Variants in MALRD1 observed in about 807,000 individuals in gnomAD.
MALRD1 encodes MAM and LDL receptor class A domain containing 1, also known as MAM and LDL-receptor class A domain-containing protein 1.
MALRD1 carries 247 observed loss-of-function variants against 242.1 expected under a neutral mutation model. The ratio of observed to expected loss-of-function variants is 1.02; its 90% confidence interval spans 0.92 to 1.13. MALRD1 has a LOEUF of 1.13. Among genes scored for constraint, MALRD1 ranks in the 50% most tolerant of loss-of-function variants. MALRD1 has a pLI of 0.00. For synonymous variants in MALRD1, 995 were observed against 866.6 expected, an observed-to-expected ratio of 1.15 and a Z score of -2.60; for missense variants, 2,989 against 2,533.1, an observed-to-expected ratio of 1.18 and a Z score of -3.86.
At chr10:19,684,465 C>A (rs937159479) in intron 36 of MALRD1, among the ~76,000 whole-genome samples, 2 of 152,086 alleles carry the variant, frequency 1.3e-5, no homozygotes, top group African/African-American at 4.8e-5. Context: ...ACAAAAAATA[C>A]CTGCTAATGG....
chr10:19,563,980 G>A (rs991611915), intron 32 of MALRD1, among the ~76,000 whole-genome samples: 2 of 152,136 alleles, frequency 1.3e-5, no homozygotes, highest in Non-Finnish European at 2.9e-5. Context: ...CCCATGTAAT[G>A]TGCCTGCTCC....
chr10:19,307,673 A>C (rs1842271742), intron 21 of MALRD1, among the ~76,000 whole-genome samples: 1 of 151,530 alleles, frequency 6.6e-6, no homozygotes. Context: ...CCAGAGACAT[A>C]GTTATCCTCC....
chr10:19,182,253 G>A (rs1252428106), intron 14 of MALRD1, among the ~76,000 whole-genome samples: 1 of 150,226 alleles, frequency 6.7e-6, no homozygotes, highest in Non-Finnish European at 1.5e-5. Context: ...CTCATTTTAC[G>A]AACTTTCTTG....
chr10:19,544,314 A>G (rs372479583), intron 32 of MALRD1, among the ~76,000 whole-genome samples: 2 of 151,968 alleles, frequency 1.3e-5, no homozygotes, highest in East Asian at 3.9e-4. Flanking sequence ...CAGCCTCCCA[A>G]TTAGCTGGGA....
At chr10:19,537,320 C>T (rs958932514) in intron 32 of MALRD1, among the ~76,000 whole-genome samples, 1 of 152,102 alleles carries the variant, frequency 6.6e-6, no homozygotes, top group African/African-American at 2.4e-5. Flanking sequence ...TATCTTAGTT[C>T]TTTCAGGTTG....
intron 29 of MALRD1, among the ~76,000 whole-genome samples, chr10:19,465,417 T>C (rs943796766): frequency 2.6e-5 from 4 of 152,218 alleles, no homozygotes; most frequent in Admixed American, 6.5e-5. Context: ...TTAACATATA[T>C]TGTCAGTTAA....
intron 30 of MALRD1, 138 bp from the exon 31 acceptor site, chr10:19,498,347 A>G (rs1291509698): frequency 6.7e-6 from 5 of 749,662 alleles, no homozygotes; most frequent in Non-Finnish European, 1.1e-5. Flanking sequence ...AACAATGAGT[A>G]CAAATGTCTT....
chr10:19,554,652 T>C (rs1835636710), intron 32 of MALRD1, among the ~76,000 whole-genome samples: 1 of 152,160 alleles, frequency 6.6e-6, no homozygotes, highest in African/African-American at 2.4e-5. Flanking sequence ...TGTTTGGTTT[T>C]CTGTTCCTGT....
At chr10:19,053,689 G>A (rs569783590) in intron 1 of MALRD1, among the ~76,000 whole-genome samples, 2 of 151,720 alleles carry the variant, frequency 1.3e-5, no homozygotes, top group East Asian at 1.9e-4. Flanking sequence ...TCTTTTTCTT[G>A]GGGAAAACCT....
At chr10:19,706,354 C>T (rs560051643) in intron 38 of MALRD1, among the ~76,000 whole-genome samples, 7 of 152,124 alleles carry the variant, frequency 4.6e-5, no homozygotes, top group South Asian at 2.1e-4. Flanking sequence ...TTTGCTCTTT[C>T]GCCCAGGCTA....
chr10:19,151,559 A>C (rs1833944452), intron 11 of MALRD1, among the ~76,000 whole-genome samples: 1 of 152,128 alleles, frequency 6.6e-6, no homozygotes, highest in African/African-American at 2.4e-5. Context: ...AATTTCTAGA[A>C]TGTGTTGAAT....
chr10:19,470,786 T>TG (rs1487192969), intron 29 of MALRD1, among the ~76,000 whole-genome samples: 3 of 151,426 alleles, frequency 2.0e-5, no homozygotes, highest in Non-Finnish European at 4.4e-5. Context: ...ATTATTATTT[T>TG]TTTTCTGTTG....
intron 14 of MALRD1, among the ~76,000 whole-genome samples, chr10:19,180,060 T>A (rs1344426084): frequency 1.3e-5 from 2 of 152,126 alleles, no homozygotes; most frequent in East Asian, 3.8e-4. Flanking sequence ...TTGAACACAA[T>A]TAAAAAGAGG....
intron 38 of MALRD1, among the ~76,000 whole-genome samples, chr10:19,716,490 C>T (rs1834395610): frequency 6.6e-6 from 1 of 152,168 alleles, no homozygotes; most frequent in Non-Finnish European, 1.5e-5. Context: ...TCAGGCATCC[C>T]CAGAAACAGA....
intron 14 of MALRD1, among the ~76,000 whole-genome samples, chr10:19,180,456 G>A (rs1835457459): frequency 6.6e-6 from 1 of 152,158 alleles, no homozygotes; most frequent in South Asian, 2.1e-4. Context: ...GGCACCAAGA[G>A]GACACAGTAG....
At chr10:19,435,424 TTG>T (rs1834315219) in intron 28 of MALRD1, among the ~76,000 whole-genome samples, 1 of 152,150 alleles carries the variant, frequency 6.6e-6, no homozygotes, top group Non-Finnish European at 1.5e-5. Flanking sequence ...TCATTTTCTG[TTG>T]TAGTACTCAG....
chr10:19,724,599 C>T (rs1041134186), intron 38 of MALRD1, among the ~76,000 whole-genome samples: 1 of 152,138 alleles, frequency 6.6e-6, no homozygotes, highest in Non-Finnish European at 1.5e-5. Context: ...AATGAGACTA[C>T]ACCCTGAAAC....
intron 18 of MALRD1, among the ~76,000 whole-genome samples, chr10:19,257,383 G>A (rs1372413390): frequency 1.3e-5 from 2 of 152,076 alleles, no homozygotes; most frequent in South Asian, 2.1e-4. Flanking sequence ...TAGAACTAAT[G>A]GCTGAAAGTT....
intron 35 of MALRD1, 131 bp downstream of exon 35, chr10:19,608,033 G>A: frequency 3.2e-6 from 4 of 1,257,180 alleles, no homozygotes; most frequent in Non-Finnish European, 3.2e-6. Flanking sequence ...TTCTTGGTTT[G>A]GGGGCAGAAA....
Sources: allele counts gnomAD v4.1 joint callset (sites outside exome capture counted in the v4.1 genomes callset), GRCh38; gene constraint gnomAD v4.1.1; transcripts MANE v1.5; gene names NCBI Gene and HGNC (gene_info 2026-07-23, HGNC 2026-07-21).